AFG2A: variants seen among roughly 807,000 people sequenced by gnomAD.
AFG2A encodes the protein AAA ATPase AFG2A.
the AFG2A span, among the ~76,000 whole-genome samples, chr4:123,147,360 C>T: frequency 2.6e-5 from 4 of 152,006 alleles, no homozygotes; most frequent in African/African-American, 9.7e-5. Context: ...GTGGGAAATA[C>T]AGGTATTACG....
At chr4:123,198,065 T>C in the AFG2A span, among the ~76,000 whole-genome samples, 3 of 151,918 alleles carry the variant, frequency 2.0e-5, no homozygotes, top group African/African-American at 7.3e-5. Context: ...GGTCAGGAGT[T>C]CAAGACCAGC....
At chr4:123,259,253 A>C in the AFG2A span, among the ~76,000 whole-genome samples, 1 of 152,196 alleles carries the variant, frequency 6.6e-6, no homozygotes, top group African/African-American at 2.4e-5. Flanking sequence ...CCCAATCAGC[A>C]TTGTTCTATG....
chr4:123,084,157 C>T, the AFG2A span, among the ~76,000 whole-genome samples: 4 of 151,952 alleles, frequency 2.6e-5, no homozygotes, highest in Non-Finnish European at 5.9e-5. Flanking sequence ...GATGTGTCCT[C>T]TGTCATATCT....
At chr4:122,923,800 A>C in the AFG2A span, among the ~76,000 whole-genome samples, 1 of 152,178 alleles carries the variant, frequency 6.6e-6, no homozygotes, top group African/African-American at 2.4e-5. Flanking sequence ...TAGCTCATCT[A>C]ATTTCTACAG....
the AFG2A span, among the ~76,000 whole-genome samples, chr4:122,984,102 G>A: frequency 1.3e-5 from 2 of 152,146 alleles, no homozygotes; most frequent in Non-Finnish European, 2.9e-5. Context: ...TCACACTAGG[G>A]ATGTGTTTCC....
At chr4:123,282,395 G>T in the AFG2A span, among the ~76,000 whole-genome samples, 1 of 152,122 alleles carries the variant, frequency 6.6e-6, no homozygotes, top group African/African-American at 2.4e-5. Flanking sequence ...GATACAGTAT[G>T]CTCTAAGTTC....
the AFG2A span, among the ~76,000 whole-genome samples, chr4:123,023,049 G>A: frequency 8.9e-5 from 13 of 146,320 alleles, no homozygotes; most frequent in African/African-American, 2.8e-4. Flanking sequence ...GTTGGGGGAG[G>A]GGGGAGGGAT....
the AFG2A span, among the ~76,000 whole-genome samples, chr4:123,112,826 A>G: frequency 1.3e-5 from 2 of 152,116 alleles, no homozygotes; most frequent in East Asian, 1.9e-4. Context: ...TTCCAAAATG[A>G]GTTTGCTGTT....
chr4:123,243,203 TC>T, the AFG2A span, among the ~76,000 whole-genome samples: 3 of 152,140 alleles, frequency 2.0e-5, no homozygotes, highest in Non-Finnish European at 4.4e-5. Context: ...TCCTCAAGGA[TC>T]TAGAACTAGA....
At chr4:123,176,259 G>A in the AFG2A span, among the ~76,000 whole-genome samples, 35 of 152,254 alleles carry the variant, frequency 2.3e-4, no homozygotes, top group African/African-American at 8.2e-4. Flanking sequence ...ATCTGTTACT[G>A]TCACAGAGTG....
At chr4:123,253,911 A>G in the AFG2A span, among the ~76,000 whole-genome samples, 1 of 152,150 alleles carries the variant, frequency 6.6e-6, no homozygotes, top group African/African-American at 2.4e-5. Flanking sequence ...CATCATTCTT[A>G]TAATGTAATG....
chr4:123,215,241 T>A, the AFG2A span, among the ~76,000 whole-genome samples: 1 of 152,106 alleles, frequency 6.6e-6, no homozygotes, highest in Non-Finnish European at 1.5e-5. Context: ...AAAATTGACA[T>A]AACAGATTTG....
chr4:123,196,820 G>C, the AFG2A span, among the ~76,000 whole-genome samples: 117 of 152,188 alleles, frequency 7.7e-4, 1 homozygote, highest in African/African-American at 2.6e-3. Context: ...CTTGCCATGA[G>C]TCTCTTTACT....
chr4:123,274,595 T>TA, the AFG2A span, among the ~76,000 whole-genome samples: 3,305 of 140,954 alleles, frequency 0.023, 110 homozygotes, highest in African/African-American at 0.074. Context: ...AGCACATAAT[T>TA]AAAAAAAAAA....
the AFG2A span, among the ~76,000 whole-genome samples, chr4:123,199,007 G>T: frequency 6.6e-6 from 1 of 152,210 alleles, no homozygotes; most frequent in Non-Finnish European, 1.5e-5. Context: ...TGCTGTGAGT[G>T]AGTGGTAGAG....
the AFG2A span, among the ~76,000 whole-genome samples, chr4:122,954,321 C>T: frequency 6.6e-6 from 1 of 152,220 alleles, no homozygotes; most frequent in South Asian, 2.1e-4. Context: ...CCTGAACCCA[C>T]CTTCTGCCCA....
the AFG2A span, among the ~76,000 whole-genome samples, chr4:122,954,557 T>C: frequency 6.6e-6 from 1 of 152,204 alleles, no homozygotes; most frequent in Non-Finnish European, 1.5e-5. Flanking sequence ...TAGTCCTAAC[T>C]TGGCATGGGA....
At chr4:123,118,848 ATTTATG>A in the AFG2A span, among the ~76,000 whole-genome samples, 2 of 152,126 alleles carry the variant, frequency 1.3e-5, no homozygotes, top group Non-Finnish European at 2.9e-5. Flanking sequence ...AATGTTTTAT[ATTTATG>A]TTTAATGATT....
the AFG2A span, among the ~76,000 whole-genome samples, chr4:123,072,298 A>T: frequency 6.6e-6 from 1 of 152,190 alleles, no homozygotes; most frequent in East Asian, 1.9e-4. Flanking sequence ...GTGTCTGGGA[A>T]GTAGGTATTC....
Sources: allele counts gnomAD v4.1 joint callset (sites outside exome capture counted in the v4.1 genomes callset), GRCh38; gene constraint gnomAD v4.1.1; transcripts MANE v1.5; gene names NCBI Gene and HGNC (gene_info 2026-07-23, HGNC 2026-07-21).